SF1: variants seen among roughly 807,000 people sequenced by gnomAD.
SF1 encodes the protein branch point-binding protein.
A neutral mutation model predicts 62.5 loss-of-function variants in SF1; 7 were observed. The observed-to-expected ratio is 0.11, with a 90% CI of 0.06 to 0.21. SF1 has a LOEUF of 0.21. Among genes scored for constraint, SF1 ranks in the 10% least tolerant of loss-of-function variants. SF1 has a pLI of 1.00. For missense variants in SF1, 578 were observed against 884.0 expected, an observed-to-expected ratio of 0.65 and a Z score of 4.39; for synonymous variants, 394 against 323.6, an observed-to-expected ratio of 1.22 and a Z score of -2.33.
At position 64,770,300 on chromosome 11, in the gene SF1, C is replaced by G; in HGVS notation, c.345G>C (p.Glu115Asp). The part of the protein sequence containing the change: ...LEEERHNLIT[E>D]MVALNPDFKP... ...TGAAATCCGGATTGAGTGCAACCAT[C>G]TCTGTGATGAGGTTGTGCCGCTCCT... The change falls in exon 4 of 13, where the codon GAG (glutamate) becomes GAC (aspartate). Residue 115 changes from glutamate (E) to aspartate (D), a missense_variant. Transcript: ENST00000377390. 6.2e-7 allele frequency: 1 copy of G among 1,614,044 alleles called. No homozygotes were observed. The highest frequency in any genetic ancestry group is 8.5e-7 in the Non-Finnish European group (1 of 1,179,996).
intron 1 of SF1, chr11:64,778,156 A>C: frequency 2.6e-6 from 2 of 761,426 alleles, no homozygotes; most frequent in Non-Finnish European, 3.3e-6. Context: ...GCTGCTGGGG[A>C]GGCGGAGGGG....
chr11:64,774,534 A>G (rs1028793370), intron 2 of SF1, among the ~76,000 whole-genome samples: 7 of 152,264 alleles, frequency 4.6e-5, no homozygotes, highest in Non-Finnish European at 1.0e-4. Context: ...AGGTTGGGTT[A>G]AAACTGAGCT....
At chr11:64,767,106 G>A (rs1343730500) in intron 11 of SF1, 27 bp from the exon 12 acceptor site, 12 of 1,608,638 alleles carry the variant, frequency 7.5e-6, no homozygotes, top group East Asian at 2.2e-5. Flanking sequence ...GCAAAGATGA[G>A]GCCTCAGGGA....
At position 64,765,893 on chromosome 11, in the gene SF1, C is replaced by A. The variant is rs1247427299; in HGVS notation, c.1845G>T (p.Met615Ile). 1.3e-6 allele frequency: 2 copies of A among 1,564,514 alleles called. No individual in the cohort carries two copies. Among genetic ancestry groups the A allele is most frequent in the Non-Finnish European group, 1.7e-6 (2 of 1,155,216 alleles). ...PPMDPSNFVT[M>I]MGMGVAGMPP... Reference sequence around the variant, plus strand: ...GCATGCCCGCCACCCCCATGCCCATCATGGTGACAAAGTTAGAAGGGTCCA... The same window carrying A: ...GCATGCCCGCCACCCCCATGCCCATAATGGTGACAAAGTTAGAAGGGTCCA... The change falls in exon 13 of 13, where the codon ATG becomes ATT. Residue 615 changes from methionine (M) to isoleucine (I), a missense_variant. Met to Ile is a conservative substitution (Grantham distance 10). Around this residue, in one of 7 missense-constraint regions of SF1, gnomAD observed 410 missense variants for 452.4 expected, o/e 0.91. Coordinates refer to ENST00000377390, the MANE Select transcript of SF1 (RefSeq NM_004630.4).
Position 64,767,846 on chromosome 11 carries a change from TA to T in SF1, c.1069-3del. The T allele has an allele frequency of 3.1e-6, 5 of 1,606,688 alleles. No individual in the cohort carries two copies. Among genetic ancestry groups the T allele is most frequent in the Non-Finnish European group, 4.2e-6 (5 of 1,177,742 alleles). ...GCTCTGGGTGGTAGACATGAGAGAC[TA>T]CGTGAGAGCATTTCCTGCCAACGTC... On this transcript the variant is annotated splice_polypyrimidine_tract_variant and splice_region_variant and intron_variant, in intron 9 of 12. Transcript: ENST00000377390.
intron 3 of SF1, chr11:64,772,790 C>A (rs924571995): frequency 3.0e-6 from 3 of 985,016 alleles, no homozygotes; most frequent in Admixed American, 6.2e-5. Flanking sequence ...TTGAGGCCCA[C>A]GCTCCCTTTA....
At chr11:64,778,205 A>G in intron 1 of SF1, 157 bp downstream of exon 1, 4 of 1,093,218 alleles carry the variant, frequency 3.7e-6, no homozygotes, top group Non-Finnish European at 3.4e-6. Context: ...CGCGAAGGGG[A>G]AGGCCGCGGT....
At chr11:64,772,835 T>C in intron 3 of SF1, 2 of 985,292 alleles carry the variant, frequency 2.0e-6, no homozygotes, top group Non-Finnish European at 2.4e-6. Context: ...GTTGGTTGCA[T>C]GCCTTCCCAA....
chr11:64,773,199 T>A, intron 3 of SF1: 1 of 1,345,716 alleles, frequency 7.4e-7, no homozygotes, highest in South Asian at 1.7e-5. Context: ...GGAAACCAGT[T>A]GTCCATTTTC....
In SF1 at chr11:64,765,888, C is replaced by G. The variant is rs773445261; in HGVS notation, c.1850G>C (p.Gly617Ala). Residue 617 changes from glycine to alanine, a missense_variant, in exon 13 of 13, where the codon GGC (glycine) becomes GCC (alanine). Transcript: ENST00000377390. ...GGGCGGCATGCCCGCCACCCCCATG[C>G]CCATCATGGTGACAAAGTTAGAAGG... is the stretch of plus-strand genomic sequence containing the variant. ...MDPSNFVTMM[G>A]MGVAGMPPFG... 6.4e-7 allele frequency: 1 copy of G among 1,564,676 alleles called. No individual in the cohort carries two copies. The highest frequency in any genetic ancestry group is 8.7e-7 in the Non-Finnish European group (1 of 1,154,966).
At chr11:64,774,506 A>T (rs976324281) in intron 2 of SF1, among the ~76,000 whole-genome samples, 4 of 152,216 alleles carry the variant, frequency 2.6e-5, no homozygotes, top group Non-Finnish European at 5.9e-5. Context: ...GGCATCTCCA[A>T]TAAGGGCAAA....
At chr11:64,778,193 G>A (rs1939715606) in intron 1 of SF1, 169 bp downstream of exon 1, 7 of 1,049,932 alleles carry the variant, frequency 6.7e-6, no homozygotes, top group Middle Eastern at 7.5e-4. Context: ...CGGAGGCAGC[G>A]CCGCGAAGGG....
intron 1 of SF1, chr11:64,778,040 G>GGCGGCGGCT: frequency 2.0e-6 from 2 of 1,011,374 alleles, no homozygotes; most frequent in Non-Finnish European, 2.4e-6. Context: ...CGGCTGGGGT[G>GGCGGCGGCT]GCGGCGGCTG....
Position 64,765,935 on chromosome 11 carries a change from AGGG to A in SF1, c.1800_1802del (p.Pro606del). The A allele has an allele frequency of 7.1e-7, 1 of 1,406,546 alleles. No homozygotes were observed. Among genetic ancestry groups the A allele is most frequent in the Non-Finnish European group, 9.4e-7 (1 of 1,068,250 alleles). The allele number at this position is 1,406,546 out of a possible 1,614,324, so 87.1% of individuals were successfully genotyped here. ...AAGGGTCCATGGGAGGCGGAGGAGG[AGGG>A]GGCGGGGCATACATCATGCCGGCGG... On this transcript the variant is annotated inframe_deletion, in exon 13 of 13. Transcript: ENST00000377390.
At position 64,767,682 on chromosome 11, in the gene SF1, G is replaced by A; in HGVS notation, c.1231C>T (p.His411Tyr). ...CCATTGGGGTTGTGCTGCATGGGAT[G>A]TCCACCATGCCCACCTGTCAGGCTG... ...LPSLTGGHGG[H>Y]PMQHNPNGPP... Residue 411 changes from histidine (H) to tyrosine (Y), a missense_variant, in exon 10 of 13, where the codon CAT becomes TAT. Physicochemically the swap from His to Tyr is moderately conservative, Grantham distance 83. Coordinates refer to ENST00000377390, the MANE Select transcript of SF1 (RefSeq NM_004630.4). 1.2e-6 allele frequency: 2 copies of A among 1,610,228 alleles called. No homozygotes were observed. Among genetic ancestry groups the A allele is most frequent in the Non-Finnish European group, 1.7e-6 (2 of 1,178,220 alleles).
chr11:64,775,435 G>C (rs1441466296), intron 2 of SF1, among the ~76,000 whole-genome samples: 2 of 152,176 alleles, frequency 1.3e-5, no homozygotes. Flanking sequence ...ACAATGGAAT[G>C]GGTGGGAGTA....
chr11:64,777,426 A>C (rs1939475926), intron 1 of SF1: 1 of 889,818 alleles, frequency 1.1e-6, no homozygotes, highest in African/African-American at 1.8e-5. Context: ...TTAAAAAAAA[A>C]AACAAACTAA....
At chr11:64,772,401 A>G (rs921328107) in intron 3 of SF1, 1 of 984,826 alleles carries the variant, frequency 1.0e-6, no homozygotes, top group Admixed American at 6.1e-5. Flanking sequence ...GGTAAAATAT[A>G]GCAAATGTAG....
In SF1 at chr11:64,773,445, G is replaced by A. The variant is rs746554143; in HGVS notation, c.221C>T (p.Pro74Leu). The A allele has an allele frequency of 6.2e-7, 1 of 1,613,416 alleles. No individual in the cohort carries two copies. The change falls in exon 3 of 13, where the codon CCT becomes CTT. Residue 74 changes from proline (P) to leucine (L), a missense_variant. Around this residue, in one of 7 missense-constraint regions of SF1, gnomAD observed 68 missense variants for 170.7 expected, o/e 0.40. Transcript: ENST00000377390. ...KLRTGDLGIP[P>L]NPEDRSPSPE... The stretch of plus-strand genomic sequence containing the variant: ...GTTTCCCAACCTGTCCTCAGGGTTA[G>A]GGGGGATGCCCAGGTCTCCTGTGCG...
Sources: gnomAD v4.1 joint callset for allele counts (sites outside exome capture counted in the v4.1 genomes callset) on GRCh38, gnomAD v4.1.1 for gene constraint, gnomAD v4.1.1 regional missense constraint, MANE v1.5 for transcripts, NCBI Gene and HGNC (gene_info 2026-07-23, HGNC 2026-07-21) for gene names.